Variants in SH3TC1 observed in about 807,000 individuals in gnomAD.
The protein encoded by SH3TC1 is SH3 domain and tetratricopeptide repeats 1, also known as SH3 domain and tetratricopeptide repeat-containing protein 1.
Under a neutral mutation model 117.3 loss-of-function variants are expected in SH3TC1, and 135 were observed. That is an observed-to-expected ratio of 1.15 (90% confidence interval 1.00 to 1.33). SH3TC1 has a LOEUF of 1.33. SH3TC1 is among the 40% of genes most tolerant of loss of function. SH3TC1 has a pLI of 0.00. For missense variants in SH3TC1, 2,092 were observed against 1,794.3 expected (o/e 1.17, Z -3.00); for synonymous variants, 898 against 816.9 (o/e 1.10, Z -1.69).
chr4:8,228,873 C>T (rs1042289756), intron 12 of SH3TC1, among the ~76,000 whole-genome samples: 1 of 152,208 alleles, frequency 6.6e-6, no homozygotes, highest in Non-Finnish European at 1.5e-5. Flanking sequence ...CAGGGACCAT[C>T]CTGCCTTGAG....
chr4:8,191,983 ATTTATTTATTTATTT>A (rs1717431049), intron 1 of SH3TC1, among the ~76,000 whole-genome samples: 1 of 125,842 alleles, frequency 7.9e-6, no homozygotes, highest in Non-Finnish European at 1.7e-5. Flanking sequence ...TTATTTATTT[ATTTATTTATTTATTT>A]ATTATTTTTG....
chr4:8,199,750 T>A (rs2152976170), intron 1 of SH3TC1, among the ~76,000 whole-genome samples: 1 of 152,220 alleles, frequency 6.6e-6, no homozygotes, highest in East Asian at 1.9e-4. Context: ...TGTCGCTGGA[T>A]TCCAAGTCCA....
chr4:8,238,394 C>T (rs991579696), intron 17 of SH3TC1, among the ~76,000 whole-genome samples: 7 of 152,192 alleles, frequency 4.6e-5, no homozygotes, highest in Non-Finnish European at 5.9e-5. Context: ...CCGGCAGACT[C>T]GGATCTGGGA....
At chr4:8,214,694 A>G in intron 5 of SH3TC1, 114 bp downstream of exon 5, 1 of 854,976 alleles carries the variant, frequency 1.2e-6, no homozygotes, top group East Asian at 2.7e-5. Context: ...TTATTGATGT[A>G]TTGTTTTAAG....
At chr4:8,202,520 C>A (rs1717905124) in intron 1 of SH3TC1, among the ~76,000 whole-genome samples, 1 of 152,238 alleles carries the variant, frequency 6.6e-6, no homozygotes, top group Non-Finnish European at 1.5e-5. Context: ...CCATTCCCGG[C>A]CCCCACAGGT....
chr4:8,221,755 A>G (rs1719939489), intron 9 of SH3TC1, among the ~76,000 whole-genome samples: 1 of 152,240 alleles, frequency 6.6e-6, no homozygotes, highest in East Asian at 1.9e-4. Context: ...GCCATTATCT[A>G]CAGATCTTAC....
rs138994674 is a variant in SH3TC1 at position 8,232,156 on chromosome 4, G to A, written c.3131G>A (p.Arg1044Gln). ...CTCTACCTGTCCCTGGGCACCGAGCGGTGAGGGCTGGCTCTGTGGTGGTGG... is the reference window on the plus strand; with the variant it reads ...CTCTACCTGTCCCTGGGCACCGAGCAGTGAGGGCTGGCTCTGTGGTGGTGG... Reference protein sequence around the residue: ...SQLYLSLGTERAYKSALDYTK... With the variant: ...SQLYLSLGTEQAYKSALDYTK... Residue 1044 changes from arginine (R) to glutamine (Q), a missense_variant and splice_region_variant, in exon 13 of 18, where the codon CGG becomes CAG. Arg to Gln is a conservative substitution (Grantham distance 43). Coordinates refer to ENST00000245105, the MANE Select transcript of SH3TC1 (RefSeq NM_018986.5). The A allele has an allele frequency of 3.0e-4, 415 of 1,382,500 alleles. No homozygotes were observed. The highest frequency in any genetic ancestry group is 1.5e-3 in the Middle Eastern group (7 of 4,712). The allele number at this position is 1,382,500 out of a possible 1,614,324, so 85.6% of individuals were successfully genotyped here.
intron 1 of SH3TC1, among the ~76,000 whole-genome samples, chr4:8,184,545 A>G (rs1045174925): frequency 1.3e-5 from 2 of 152,064 alleles, no homozygotes; most frequent in South Asian, 2.1e-4. Flanking sequence ...ACACCCAGCT[A>G]ATTTTTTATT....
chr4:8,231,872 C>T lies in SH3TC1; in HGVS notation c.2951-104C>T, dbSNP rs546114778. 56 of 1,370,822 alleles carry T rather than the reference C, an allele frequency of 4.1e-5. No individual in the cohort carries two copies. The African/African-American group carries it at 6.7e-4, about 16-fold the overall frequency. 84.9% of individuals were successfully genotyped at this position (1,370,822 alleles called of 1,614,324 possible). A position where few individuals can be genotyped will look rare whatever the true frequency, so the allele number is the denominator to read the frequency against. ...GTTCCCCGCCTGTGGGGCCCAGGCT[C>T]ACAGAGGTGTGAAAGAGGCAAGCAC... On this transcript the variant is annotated intron_variant, in intron 12 of 17. Coordinates refer to ENST00000245105, the MANE Select transcript of SH3TC1 (RefSeq NM_018986.5).
chr4:8,191,515 C>A (rs991143107), intron 1 of SH3TC1, among the ~76,000 whole-genome samples: 2 of 152,230 alleles, frequency 1.3e-5, no homozygotes, highest in Admixed American at 1.3e-4. Flanking sequence ...GGGCCGGTTT[C>A]AGCAGCAAAG....
intron 5 of SH3TC1, 54 bp downstream of exon 5, chr4:8,214,634 T>C: frequency 7.6e-7 from 1 of 1,319,916 alleles, no homozygotes; most frequent in South Asian, 1.2e-5. Context: ...CGGAAGGTGC[T>C]GGTTACACAC....
chr4:8,237,727 C>T (rs920957568), intron 17 of SH3TC1, 57 bp downstream of exon 17: 4 of 1,514,938 alleles, frequency 2.6e-6, no homozygotes, highest in Middle Eastern at 1.9e-4. Context: ...GTGGGATCTC[C>T]ACCCAGACCC....
intron 9 of SH3TC1, 29 bp downstream of exon 9, chr4:8,219,559 T>C: frequency 6.8e-7 from 1 of 1,475,536 alleles, no homozygotes; most frequent in Non-Finnish European, 9.0e-7. Flanking sequence ...GCCCCTTTCC[T>C]GAACCCACCC....
chr4:8,220,117 C>G (rs1719762745), intron 9 of SH3TC1, among the ~76,000 whole-genome samples: 1 of 152,212 alleles, frequency 6.6e-6, no homozygotes, highest in South Asian at 2.1e-4. Context: ...ATTACATCTG[C>G]AAAGATCCTT....
chr4:8,217,455 G>A (rs868053103), intron 7 of SH3TC1, among the ~76,000 whole-genome samples: 7 of 152,344 alleles, frequency 4.6e-5, no homozygotes, highest in East Asian at 1.9e-4. Context: ...AGGCTCATCC[G>A]AAAAGCTTTT....
rs892727264 is a variant in SH3TC1, at chr4:8,205,233, C to T, written c.39C>T (p.Thr13=). 5 of 1,548,872 alleles carry T rather than the reference C, an allele frequency of 3.2e-6. No individual in the cohort carries two copies. The highest frequency in any genetic ancestry group is 3.5e-6 in the Non-Finnish European group (4 of 1,146,740). The change falls in exon 2 of 18, where the codon ACC becomes ACT. Residue 13 remains threonine, a synonymous_variant. Coordinates refer to ENST00000245105, the MANE Select transcript of SH3TC1 (RefSeq NM_018986.5). This position sits in a 1 kb window ranked among gnomAD's most constrained non-coding sequence, Gnocchi z 5.4. ...CTGCCGTGACCACTGAGGAGCCGAC[C>T]CCCATGGGGAGGGGTCCTGTGGGAC... ...NLPAVTTEEP[T]PMGRGPVGPS...
intron 1 of SH3TC1, among the ~76,000 whole-genome samples, chr4:8,185,374 G>C (rs1717190774): frequency 6.6e-6 from 1 of 152,000 alleles, no homozygotes. Flanking sequence ...AAGGCTCCCT[G>C]TGCTGTAAAG....
At chr4:8,217,447 G>A (rs1269642919) in intron 7 of SH3TC1, among the ~76,000 whole-genome samples, 1 of 152,204 alleles carries the variant, frequency 6.6e-6, no homozygotes, top group Non-Finnish European at 1.5e-5. Context: ...CTCTCACCAG[G>A]CTCATCCGAA....
chr4:8,235,769 G>A, intron 15 of SH3TC1: 1 of 540,732 alleles, frequency 1.8e-6, no homozygotes, highest in Non-Finnish European at 2.9e-6. Context: ...CCTTACCCTT[G>A]CACCCGATGA....
Sources: gnomAD v4.1 joint callset for allele counts (sites outside exome capture counted in the v4.1 genomes callset) on GRCh38, gnomAD v4.1.1 for gene constraint, Gnocchi (gnomAD v3.1) non-coding constraint, MANE v1.5 for transcripts, NCBI Gene and HGNC (gene_info 2026-07-23, HGNC 2026-07-21) for gene names.